Variants in GPR158 observed in about 807,000 individuals in gnomAD.
GPR158 encodes the protein G protein-coupled receptor 158, also known as metabotropic glycine receptor.
GPR158 carries 30 observed loss-of-function variants against 78.2 expected under a neutral mutation model. The ratio of observed to expected loss-of-function variants is 0.38; its 90% CI spans 0.29 to 0.52. The LOEUF is 0.52. Among genes scored for constraint, GPR158 ranks in the 20% least tolerant of loss-of-function variants. The pLI is 0.83. For missense variants in GPR158, 1,463 were observed against 1,523.5 expected (o/e 0.96, Z 0.66); for synonymous variants, 581 against 591.1 (o/e 0.98, Z 0.25).
At chr10:25,325,594 A>G (rs116663473) in intron 2 of GPR158, among the ~76,000 whole-genome samples, 2,314 of 152,254 alleles carry the variant, frequency 0.015, 67 homozygotes, top group African/African-American at 0.052. Flanking sequence ...ATATCTCTTC[A>G]GCATACTGAT....
intron 1 of GPR158, among the ~76,000 whole-genome samples, chr10:25,204,511 T>C (rs1852987392): frequency 6.6e-6 from 1 of 152,190 alleles, no homozygotes; most frequent in Non-Finnish European, 1.5e-5. Context: ...ATTGAGATAA[T>C]TATGTGGTTT....
intron 4 of GPR158, among the ~76,000 whole-genome samples, chr10:25,422,020 T>G (rs945028454): frequency 1.3e-5 from 2 of 152,184 alleles, no homozygotes; most frequent in Non-Finnish European, 2.9e-5. Flanking sequence ...GGCCAATATT[T>G]TCTCATTATG....
chr10:25,412,205 C>T, intron 3 of GPR158, 45 bp from the exon 4 acceptor site: 1 of 1,302,182 alleles, frequency 7.7e-7, no homozygotes, highest in Non-Finnish European at 1.1e-6. Flanking sequence ...ATCTTACCTA[C>T]CTAAGAGGTG....
intron 4 of GPR158, among the ~76,000 whole-genome samples, chr10:25,458,079 A>G (rs1835314018): frequency 6.6e-6 from 1 of 152,206 alleles, no homozygotes; most frequent in African/African-American, 2.4e-5. Flanking sequence ...ACTGTTTTAA[A>G]TAACATCAAA....
chr10:25,188,309 A>T (rs1056025681), intron 1 of GPR158, among the ~76,000 whole-genome samples: 1 of 152,218 alleles, frequency 6.6e-6, no homozygotes. Context: ...GAGCCAAAAA[A>T]GAGCCCACAT....
chr10:25,175,644 C>T lies in GPR158; in HGVS notation c.224C>T (p.Ala75Val). Reference sequence around the variant, plus strand: ...GGCACCATCTTGGCGCAGAAACTCGCCGAGGAGGTGCCCATGGACGTGGCC... The same window carrying T: ...GGCACCATCTTGGCGCAGAAACTCGTCGAGGAGGTGCCCATGGACGTGGCC... ...TDGTILAQKL[A>V]EEVPMDVASY... The change falls in exon 1 of 11, where the codon GCC becomes GTC. Residue 75 changes from alanine to valine, a missense_variant. Physicochemically the swap from Ala to Val is moderately conservative, Grantham distance 64. Coordinates refer to ENST00000376351, the MANE Select transcript of GPR158 (RefSeq NM_020752.3). The surrounding 1 kb of genome is among the most constrained non-coding windows in gnomAD (Gnocchi z 6.4). 6.2e-7 allele frequency: 1 copy of T among 1,611,340 alleles called. No homozygotes were observed. Among genetic ancestry groups the T allele is most frequent in the Non-Finnish European group, 8.5e-7 (1 of 1,179,946 alleles).
rs772263062 is a variant in GPR158 at position 25,395,984 on chromosome 10, C to A, written c.1082C>A (p.Pro361His). The A allele has an allele frequency of 1.9e-6, 3 of 1,603,842 alleles. No individual in the cohort carries two copies. Among genetic ancestry groups the A allele is most frequent in the South Asian group, 2.2e-5 (2 of 90,846 alleles). Residue 361 changes from proline (P) to histidine (H), a missense_variant, in exon 3 of 11, where the codon CCT (proline) becomes CAT (histidine). Physicochemically the swap from Pro to His is moderately conservative, Grantham distance 77. Transcript: ENST00000376351. ...ECICKAGFYH[P>H]GVLPVNNFRR... ...ATTTGCAAAGCAGGATTCTATCATC[C>A]TGGAGTCTTACCAGTGAACAACTTT...
chr10:25,304,871 G>A (rs113522268), intron 2 of GPR158, among the ~76,000 whole-genome samples: 1,620 of 152,250 alleles, frequency 0.011, 7 homozygotes, highest in Non-Finnish European at 0.016. Flanking sequence ...ATACAATCCA[G>A]TTATTTTCTG....
rs762934432 is a variant in GPR158, at chr10:25,175,904, T to C, written c.484T>C (p.Trp162Arg). The C allele has an allele frequency of 6.2e-7, 1 of 1,613,812 alleles. No homozygotes were observed. The highest frequency in any genetic ancestry group is 8.5e-7 in the Non-Finnish European group (1 of 1,179,988). The part of the protein sequence containing the change: ...DDLDWYQALV[W>R]SLLEGEPSIS... ...CCTGGATTGGTACCAGGCGCTGGTG[T>C]GGAGCCTTCTGGAGGGCGAGCCCAG... is the stretch of plus-strand genomic sequence containing the variant. Residue 162 changes from tryptophan (W) to arginine (R), a missense_variant, in exon 1 of 11, where the codon TGG becomes CGG. Trp to Arg is a moderately radical substitution (Grantham distance 101). Transcript: ENST00000376351. The surrounding 1 kb of genome is among the most constrained non-coding windows in gnomAD (Gnocchi z 6.4).
chr10:25,574,395 T>G (rs1417705978), intron 7 of GPR158, among the ~76,000 whole-genome samples: 1 of 152,170 alleles, frequency 6.6e-6, no homozygotes, highest in Non-Finnish European at 1.5e-5. Flanking sequence ...TTATTATTGA[T>G]TCACATAGAT....
intron 1 of GPR158, among the ~76,000 whole-genome samples, chr10:25,220,258 GC>G (rs1249372006): frequency 6.6e-6 from 1 of 152,176 alleles, no homozygotes; most frequent in East Asian, 1.9e-4. Flanking sequence ...TGCAGCAACT[GC>G]TGCTAGTGGT....
chr10:25,441,796 C>G (rs1339162305), intron 4 of GPR158, among the ~76,000 whole-genome samples: 2 of 152,146 alleles, frequency 1.3e-5, no homozygotes, highest in African/African-American at 4.8e-5. Context: ...CTTTGTTAAT[C>G]TTGTGTTTGT....
At chr10:25,256,789 C>A (rs1180409333) in intron 2 of GPR158, among the ~76,000 whole-genome samples, 19 of 152,036 alleles carry the variant, frequency 1.2e-4, no homozygotes, top group Admixed American at 1.2e-3. Context: ...ATATGCTCAG[C>A]AAATCTGCAG....
chr10:25,574,667 A>G (rs1396458294), intron 7 of GPR158, among the ~76,000 whole-genome samples: 2 of 152,138 alleles, frequency 1.3e-5, no homozygotes, highest in Non-Finnish European at 2.9e-5. Flanking sequence ...TGGGTGAATC[A>G]CAAGGTCAGA....
intron 6 of GPR158, among the ~76,000 whole-genome samples, chr10:25,555,742 G>GA (rs371410700): frequency 6.9e-4 from 100 of 145,846 alleles, no homozygotes; most frequent in Non-Finnish European, 7.6e-4. Context: ...GGCTAATCAA[G>GA]AAAAAAAAAA....
chr10:25,304,707 T>G (rs549335896), intron 2 of GPR158, among the ~76,000 whole-genome samples: 1 of 152,272 alleles, frequency 6.6e-6, no homozygotes, highest in Non-Finnish European at 1.5e-5. Context: ...TCGACGAACT[T>G]AAGCAGTTTG....
At chr10:25,523,962 A>C (rs1404215170) in intron 5 of GPR158, among the ~76,000 whole-genome samples, 2 of 152,228 alleles carry the variant, frequency 1.3e-5, no homozygotes, top group African/African-American at 2.4e-5. Flanking sequence ...AGATCTTTAG[A>C]ACTAATAAGT....
chr10:25,263,560 T>C (rs1436307173), intron 2 of GPR158, among the ~76,000 whole-genome samples: 2 of 152,210 alleles, frequency 1.3e-5, no homozygotes, highest in African/African-American at 4.8e-5. Context: ...TGCTTAAAGA[T>C]GCTGCTTCTC....
intron 2 of GPR158, among the ~76,000 whole-genome samples, chr10:25,287,671 G>A (rs1417487844): frequency 6.6e-6 from 1 of 152,100 alleles, no homozygotes; most frequent in African/African-American, 2.4e-5. Context: ...GTGTCTGTAA[G>A]CAAATGCATA....
Sources: gnomAD v4.1 joint callset for allele counts (sites outside exome capture counted in the v4.1 genomes callset) on GRCh38, gnomAD v4.1.1 for gene constraint, Gnocchi (gnomAD v3.1) non-coding constraint, MANE v1.5 for transcripts, NCBI Gene and HGNC (gene_info 2026-07-23, HGNC 2026-07-21) for gene names.